PCDHGB4: variants seen among roughly 807,000 people sequenced by gnomAD.
The protein encoded by PCDHGB4 is protocadherin gamma-B4.
Under a neutral mutation model 60.5 loss-of-function variants are expected in PCDHGB4, and 38 were observed. That is an observed-to-expected ratio of 0.63 (90% CI 0.48 to 0.82). PCDHGB4 has a LOEUF of 0.82. PCDHGB4 is among the 40% of genes least tolerant of loss of function. PCDHGB4 has a pLI of 0.00. For missense variants in PCDHGB4, 1,109 were observed against 1,209.6 expected (o/e 0.92, Z 1.23); for synonymous variants, 456 against 509.7 (o/e 0.89, Z 1.42).
At chr5:141,460,650 T>C (rs1264813071) in intron 1 of PCDHGB4, among the ~76,000 whole-genome samples, 2 of 152,094 alleles carry the variant, frequency 1.3e-5, no homozygotes, top group East Asian at 3.9e-4. Flanking sequence ...TGTTTACACA[T>C]ATGTAACTGT....
intron 1 of PCDHGB4, chr5:141,478,684 T>C: frequency 6.4e-7 from 1 of 1,551,340 alleles, no homozygotes; most frequent in Non-Finnish European, 8.7e-7. Flanking sequence ...TGGCCCTTCC[T>C]AGATCAAAGT....
Position 141,404,333 on chromosome 5 carries a change from C to T in PCDHGB4, c.2397+14052C>T, listed in dbSNP as rs181615917. On this transcript the variant is annotated intron_variant, in intron 1 of 3. Transcript: ENST00000519479. ...CTCTCAAGCCTCCTACTCAGTCTACCTCCCGGAAAACAACGCCAGAGGTAC... is the reference window on the plus strand; with the variant it reads ...CTCTCAAGCCTCCTACTCAGTCTACTTCCCGGAAAACAACGCCAGAGGTAC... The T allele has an allele frequency of 3.8e-5, 62 of 1,613,854 alleles. No homozygotes were observed. The East Asian group carries it at 8.5e-4, about 22-fold the overall frequency.
chr5:141,493,908 G>A lies in PCDHGB4; in HGVS notation c.2398-899G>A, dbSNP rs1308946115. ...CTAGGAGTGCTCCATGAGAGTGTGT[G>A]ATGGGATAACACACCCCCTGGAAAG... On this transcript the variant is annotated intron_variant, in intron 1 of 3. Transcript: ENST00000519479. This position sits in a 1 kb window ranked among gnomAD's most constrained non-coding sequence, Gnocchi z 4.3. Among the ~76,000 whole-genome samples the A allele has an allele frequency of 6.6e-6, 1 of 152,208 alleles. No homozygotes were observed. The highest frequency in any genetic ancestry group is 1.5e-5 in the Non-Finnish European group (1 of 68,032).
chr5:141,477,992 G>T lies in PCDHGB4; in HGVS notation c.2398-16815G>T. The T allele has an allele frequency of 6.2e-7, 1 of 1,614,108 alleles. No individual in the cohort carries two copies. Among genetic ancestry groups the T allele is most frequent in the Non-Finnish European group, 8.5e-7 (1 of 1,180,024 alleles). On this transcript the variant is annotated intron_variant, in intron 1 of 3. Transcript: ENST00000519479. The surrounding 1 kb of genome is among the most constrained non-coding windows in gnomAD (Gnocchi z 4.9). Reference sequence around the variant, plus strand: ...CCTTTTTGCCATAGGGCTGCACACTGGTCAAATCAGTACTGCCCGTCCAGT... The same window carrying T: ...CCTTTTTGCCATAGGGCTGCACACTTGTCAAATCAGTACTGCCCGTCCAGT...
intron 1 of PCDHGB4, chr5:141,392,627 G>T: frequency 1.7e-6 from 1 of 584,572 alleles, no homozygotes; most frequent in Non-Finnish European, 2.9e-6. Flanking sequence ...AAAACACTCA[G>T]ATCTCACACC....
chr5:141,463,747 G>A (rs994400482), intron 1 of PCDHGB4, among the ~76,000 whole-genome samples: 13 of 152,082 alleles, frequency 8.5e-5, no homozygotes, highest in Middle Eastern at 3.4e-3. Context: ...CGCCCGGCCT[G>A]CTTCTCTTCT....
At chr5:141,394,782 A>T (rs779984453) in intron 1 of PCDHGB4, 1 of 1,613,558 alleles carries the variant, frequency 6.2e-7, no homozygotes. Flanking sequence ...TCTCTCCGCC[A>T]CTGTCACGCT....
At chr5:141,409,674 TAGTGGCG>T in intron 1 of PCDHGB4, 1 of 1,613,414 alleles carries the variant, frequency 6.2e-7, no homozygotes, top group Non-Finnish European at 8.5e-7. Flanking sequence ...TCCTACTCTA[TAGTGGCG>T]AGTGACCTAG....
intron 1 of PCDHGB4, chr5:141,419,027 G>A (rs1415215066): frequency 6.2e-7 from 1 of 1,613,870 alleles, no homozygotes; most frequent in Admixed American, 1.7e-5. Flanking sequence ...AAGTAGAGGT[G>A]TTCCATTTAA....
intron 1 of PCDHGB4, among the ~76,000 whole-genome samples, chr5:141,443,323 A>AG (rs1262238603): frequency 1.3e-5 from 2 of 151,732 alleles, no homozygotes; most frequent in African/African-American, 4.9e-5. Context: ...TCTACAAAAA[A>AG]AAAAAACAAA....
chr5:141,507,097 A>G (rs1343795018), intron 3 of PCDHGB4: 1 of 152,082 alleles, frequency 6.6e-6, no homozygotes, highest in African/African-American at 2.4e-5. Flanking sequence ...TGCTCTTTCT[A>G]CTATAGGGAC....
chr5:141,413,358 G>C, intron 1 of PCDHGB4: 1 of 1,613,972 alleles, frequency 6.2e-7, no homozygotes, highest in Non-Finnish European at 8.5e-7. Flanking sequence ...TGGCGCCCCG[G>C]GAGCTGGCGG....
At chr5:141,444,002 C>T (rs2098413409) in intron 1 of PCDHGB4, among the ~76,000 whole-genome samples, 1 of 151,918 alleles carries the variant, frequency 6.6e-6, no homozygotes, top group African/African-American at 2.4e-5. Flanking sequence ...TAAATGCTAC[C>T]TGGGTATTGG....
chr5:141,412,790 A>G lies in PCDHGB4; in HGVS notation c.2397+22509A>G, dbSNP rs557299291. ...ATTTACAATATTTTCACTCCACTTTATCACACCTCCCCTAAGAAACCTACA... is the reference window on the plus strand; with the variant it reads ...ATTTACAATATTTTCACTCCACTTTGTCACACCTCCCCTAAGAAACCTACA... On this transcript the variant is annotated intron_variant, in intron 1 of 3. Coordinates refer to ENST00000519479, the MANE Select transcript of PCDHGB4 (RefSeq NM_003736.4). Among the ~76,000 whole-genome samples the G allele has an allele frequency of 2.0e-5, 3 of 152,370 alleles. No individual in the cohort carries two copies. The South Asian group carries it at 6.2e-4, about 32-fold the overall frequency.
At chr5:141,404,080 C>T (rs369802030) in intron 1 of PCDHGB4, 6 of 1,613,516 alleles carry the variant, frequency 3.7e-6, no homozygotes, top group Non-Finnish European at 4.2e-6. Context: ...ACCGAGACTC[C>T]GGGAAGAATG....
intron 1 of PCDHGB4, chr5:141,416,001 G>C (rs2095980823): frequency 4.0e-6 from 1 of 253,062 alleles, no homozygotes; most frequent in Non-Finnish European, 7.3e-6. Flanking sequence ...AGGCAGGTCT[G>C]GTAAGAATAG....
At position 141,491,796 on chromosome 5, in the gene PCDHGB4, C is replaced by T. The variant is rs1487915203; in HGVS notation, c.2398-3011C>T. The stretch of plus-strand genomic sequence containing the variant: ...GATTGAACTTGCATCCACTCCTCTC[C>T]GGCCGGCTTGGTCGCTGGCTGCGCT... On this transcript the variant is annotated intron_variant, in intron 1 of 3. Transcript: ENST00000519479. The surrounding 1 kb of genome is among the most constrained non-coding windows in gnomAD (Gnocchi z 6.9). 6.6e-7 allele frequency: 1 copy of T among 1,509,866 alleles called. No homozygotes were observed. The highest frequency in any genetic ancestry group is 2.4e-5 in the Admixed American group (1 of 42,218). The allele number at this position is 1,509,866 out of a possible 1,614,324, so 93.5% of individuals were successfully genotyped here. A position where few individuals can be genotyped will look rare whatever the true frequency, so the allele number is the denominator to read the frequency against.
intron 1 of PCDHGB4, chr5:141,421,287 C>T: frequency 1.2e-6 from 2 of 1,613,240 alleles, no homozygotes; most frequent in Non-Finnish European, 1.7e-6. Flanking sequence ...TGTGCATTTT[C>T]CTGGGGACGC....
chr5:141,488,866 G>C (rs957501628), intron 1 of PCDHGB4, among the ~76,000 whole-genome samples: 1 of 152,148 alleles, frequency 6.6e-6, no homozygotes, highest in East Asian at 1.9e-4. Context: ...GAAGTGAGTG[G>C]GGAGGTAGGA....
Sources: gnomAD v4.1 joint callset for allele counts (sites outside exome capture counted in the v4.1 genomes callset) on GRCh38, gnomAD v4.1.1 for gene constraint, Gnocchi (gnomAD v3.1) non-coding constraint, MANE v1.5 for transcripts, NCBI Gene and HGNC (gene_info 2026-07-23, HGNC 2026-07-21) for gene names.